HIPK3: variants seen among roughly 807,000 people sequenced by gnomAD.
The protein encoded by HIPK3 is homeodomain-interacting protein kinase 3.
Under a neutral mutation model 124.2 loss-of-function variants are expected in HIPK3, and 47 were observed. The ratio of observed to expected loss-of-function variants is 0.38; its 90% CI spans 0.30 to 0.48. The LOEUF (loss-of-function observed/expected upper bound fraction) is 0.48. HIPK3 is among the 20% of genes least tolerant of loss of function. The pLI, the probability that HIPK3 is intolerant of heterozygous loss-of-function variation, is 0.98. For missense variants in HIPK3, 1,286 were observed against 1,454.3 expected, an observed-to-expected ratio of 0.88 and a Z score of 1.88; for synonymous variants, 482 against 515.2, an observed-to-expected ratio of 0.94 and a Z score of 0.87.
intron 1 of HIPK3, chr11:33,258,290 C>G (rs1043367758): frequency 1.3e-5 from 13 of 985,276 alleles, no homozygotes; most frequent in Non-Finnish European, 1.6e-5. Context: ...CTCTCTTCCC[C>G]CTCCGCAGTC....
chr11:33,347,172 C>T, intron 8 of HIPK3, 121 bp from the exon 9 acceptor site: 1 of 882,120 alleles, frequency 1.1e-6, no homozygotes, highest in East Asian at 2.9e-5. Flanking sequence ...AGAGCGAGGC[C>T]CTGTCTCAAA....
chr11:33,336,663 C>T (rs1490332758), intron 3 of HIPK3, among the ~76,000 whole-genome samples: 1 of 152,184 alleles, frequency 6.6e-6, no homozygotes, highest in African/African-American at 2.4e-5. Context: ...AATTTCATCT[C>T]TTACCATTCT....
At position 33,347,885 on chromosome 11, in the gene HIPK3, A is replaced by G; in HGVS notation, c.2178A>G (p.Ser726=). 6.2e-7 allele frequency: 1 copy of G among 1,614,232 alleles called. No homozygotes were observed. Among genetic ancestry groups the G allele is most frequent in the South Asian group, 1.1e-5 (1 of 91,088 alleles). Residue 726 remains serine, a synonymous_variant, in exon 11 of 17, where the codon TCA becomes TCG. Coordinates refer to ENST00000303296, the MANE Select transcript of HIPK3 (RefSeq NM_005734.5). Reference sequence around the variant, plus strand: ...TTTCATGCAGCAATCATTATAACTCAGTGATGCCGCAGCCTCTTCTGACCA... The same window carrying G: ...TTTCATGCAGCAATCATTATAACTCGGTGATGCCGCAGCCTCTTCTGACCA... ...KMISCSNHYN[S]VMPQPLLTNQ...
chr11:33,275,763 A>G (rs1418073200), intron 1 of HIPK3, among the ~76,000 whole-genome samples: 1 of 152,250 alleles, frequency 6.6e-6, no homozygotes, highest in Non-Finnish European at 1.5e-5. Flanking sequence ...TGAAGAAGTT[A>G]TATAATGACC....
chr11:33,328,023 C>G (rs1852861460), intron 2 of HIPK3, among the ~76,000 whole-genome samples: 1 of 152,160 alleles, frequency 6.6e-6, no homozygotes. Flanking sequence ...TGACTAATGG[C>G]TCCAATTAGG....
Position 33,339,562 on chromosome 11 carries a change from G to C in HIPK3, c.1613+28G>C, listed in dbSNP as rs538568531. On this transcript the variant is annotated intron_variant, in intron 6 of 16. Transcript: ENST00000303296. ...ATGTTACTTTAAGATCTTTTAAAGT[G>C]GTTCTAAAAAAAAATAAGTCTGTAG... The C allele has an allele frequency of 9.1e-6, 13 of 1,433,990 alleles. No individual in the cohort carries two copies. In the South Asian group the frequency reaches 1.5e-4, roughly 16 times the overall value. The allele number at this position is 1,433,990 out of a possible 1,614,324, so 88.8% of individuals were successfully genotyped here.
chr11:33,290,288 A>G (rs570784366), intron 2 of HIPK3, among the ~76,000 whole-genome samples: 47 of 152,288 alleles, frequency 3.1e-4, no homozygotes, highest in South Asian at 6.2e-4. Context: ...GTATCACATA[A>G]TTAGATTTAT....
intron 2 of HIPK3, among the ~76,000 whole-genome samples, chr11:33,313,670 T>C (rs1477338823): frequency 6.6e-6 from 1 of 152,066 alleles, no homozygotes; most frequent in African/African-American, 2.4e-5. Flanking sequence ...AAAAAAAGTA[T>C]AGGAAAAATA....
intron 2 of HIPK3, among the ~76,000 whole-genome samples, chr11:33,308,229 G>C (rs1039149252): frequency 7.9e-5 from 12 of 152,150 alleles, no homozygotes; most frequent in Non-Finnish European, 1.8e-4. Context: ...CCTCATATGT[G>C]TGGGTCTGTT....
chr11:33,263,321 A>G (rs1451809812), intron 1 of HIPK3, among the ~76,000 whole-genome samples: 2 of 152,080 alleles, frequency 1.3e-5, no homozygotes, highest in Admixed American at 6.6e-5. Flanking sequence ...GCTTTAATTA[A>G]TTAATTAATT....
chr11:33,327,723 G>C (rs1025055627), intron 2 of HIPK3, among the ~76,000 whole-genome samples: 1 of 152,138 alleles, frequency 6.6e-6, no homozygotes, highest in Non-Finnish European at 1.5e-5. Context: ...GATTGAGATT[G>C]TTTTAAAATT....
At chr11:33,348,131 C>A (rs777021545) in intron 11 of HIPK3, 35 bp from the exon 12 acceptor site, 5 of 1,608,964 alleles carry the variant, frequency 3.1e-6, no homozygotes, top group Non-Finnish European at 4.3e-6. Flanking sequence ...AGCTTTGTTA[C>A]AAACACTAAG....
At chr11:33,319,264 A>C (rs1174773174) in intron 2 of HIPK3, among the ~76,000 whole-genome samples, 2 of 152,242 alleles carry the variant, frequency 1.3e-5, no homozygotes, top group Non-Finnish European at 2.9e-5. Flanking sequence ...CGGGAGACCG[A>C]GGCAGGTGGG....
At chr11:33,303,121 G>A (rs982878290) in intron 2 of HIPK3, among the ~76,000 whole-genome samples, 7 of 152,122 alleles carry the variant, frequency 4.6e-5, no homozygotes, top group African/African-American at 1.4e-4. Context: ...TGATATCTGA[G>A]GGATTGGTTC....
chr11:33,349,623 G>GT (rs1396856193), intron 14 of HIPK3, among the ~76,000 whole-genome samples: 8 of 152,070 alleles, frequency 5.3e-5, no homozygotes, highest in East Asian at 3.9e-4. Flanking sequence ...TAATTTTTAA[G>GT]TTTTTTTTGT....
rs147258823 is a variant in HIPK3, at chr11:33,287,465, G to A, written c.1051G>A (p.Val351Ile). The A allele has an allele frequency of 9.3e-6, 15 of 1,613,834 alleles. No individual in the cohort carries two copies. In the African/African-American group the frequency reaches 9.3e-5, roughly 10 times the overall value. Reference sequence around the variant, plus strand: ...AATAGACTTTGGGTCGGCCAGTCATGTATCAAAGACTGTTTGTTCAACATA... The same window carrying A: ...AATAGACTTTGGGTCGGCCAGTCATATATCAAAGACTGTTTGTTCAACATA... ...KVIDFGSASH[V>I]SKTVCSTYLQ... The change falls in exon 2 of 17, where the codon GTA (valine) becomes ATA (isoleucine). Residue 351 changes from valine to isoleucine, a missense_variant. Val to Ile is a conservative substitution (Grantham distance 29, BLOSUM62 3). Around this residue, in one of 3 missense-constraint regions of HIPK3, gnomAD observed 251 missense variants for 349.1 expected, o/e 0.72. Coordinates refer to ENST00000303296, the MANE Select transcript of HIPK3 (RefSeq NM_005734.5).
intron 2 of HIPK3, among the ~76,000 whole-genome samples, chr11:33,326,049 A>G (rs1410899840): frequency 1.3e-5 from 2 of 152,196 alleles, no homozygotes; most frequent in African/African-American, 2.4e-5. Context: ...AGTATTATTT[A>G]CAGCAGAGAT....
At chr11:33,320,586 T>TG (rs1852635096) in intron 2 of HIPK3, among the ~76,000 whole-genome samples, 1 of 152,122 alleles carries the variant, frequency 6.6e-6, no homozygotes, top group Non-Finnish European at 1.5e-5. Flanking sequence ...GAGGTGATGG[T>TG]GGTTTGGATC....
Position 33,348,673 on chromosome 11 carries a change from A to T in HIPK3, c.2521A>T (p.Ile841Phe). The change falls in exon 13 of 17, where the codon ATC becomes TTC. Residue 841 changes from isoleucine to phenylalanine, a missense_variant. By Grantham distance (21) the Ile-to-Phe change is conservative. Transcript: ENST00000303296. ...GGCAAGAAATTGCTGTGAAACATCT[A>T]TCAGACAGGACTCTGATTCATCAGT... ...GEARNCCETS[I>F]RQDSDSSVSD... is the part of the protein sequence containing the mutation. 1.9e-6 allele frequency: 3 copies of T among 1,614,206 alleles called. No individual in the cohort carries two copies. The Middle Eastern group carries it at 5.0e-4, about 266-fold the overall frequency.
Sources: allele counts gnomAD v4.1 joint callset (sites outside exome capture counted in the v4.1 genomes callset), GRCh38; gene constraint gnomAD v4.1.1; regional missense constraint gnomAD v4.1.1; transcripts MANE v1.5; gene names NCBI Gene and HGNC (gene_info 2026-07-23, HGNC 2026-07-21).